Variants in FANCB observed in about 807,000 individuals in gnomAD.
FANCB encodes FA complementation group B.
Under a neutral mutation model 38.9 loss-of-function variants are expected in FANCB, and 5 were observed. That is an observed-to-expected ratio of 0.13 (90% confidence interval 0.07 to 0.27). The LOEUF (loss-of-function observed/expected upper bound fraction) is 0.27. FANCB is among the 10% of genes least tolerant of loss of function. FANCB has a pLI of 1.00. For missense variants in FANCB, 573 were observed against 602.7 expected (o/e 0.95, Z 0.52); for synonymous variants, 236 against 215.4 (o/e 1.10, Z -0.84).
At chrX:14,853,252 C>A in intron 5 of FANCB, 85 bp from the exon 6 acceptor site, 1 of 851,724 alleles carries the variant, frequency 1.2e-6, no homozygotes, top group Non-Finnish European at 1.7e-6. Flanking sequence ...ATACTTTCTC[C>A]AAATGTGCTT....
At chrX:14,728,755 G>A in the FANCB span, among the ~76,000 whole-genome samples, 1 of 112,152 alleles carries the variant, frequency 8.9e-6, no homozygotes, top group Non-Finnish European at 1.9e-5. Context: ...AAGGGAGGTG[G>A]CACCTGGGTA....
At chrX:14,847,437 G>T (rs975232529) in intron 7 of FANCB, among the ~76,000 whole-genome samples, 1 of 111,102 alleles carries the variant, frequency 9.0e-6, no homozygotes, top group East Asian at 2.8e-4. Flanking sequence ...TAGATCAGAA[G>T]AAATTATCCA....
At chrX:14,798,014 G>T in the FANCB span, among the ~76,000 whole-genome samples, 1 of 111,525 alleles carries the variant, frequency 9.0e-6, no homozygotes, top group Non-Finnish European at 1.9e-5. Context: ...TGGGCAATTT[G>T]TCAGCCTTAA....
At chrX:14,828,972 A>C in the FANCB span, among the ~76,000 whole-genome samples, 2 of 111,586 alleles carry the variant, frequency 1.8e-5, no homozygotes, top group Non-Finnish European at 3.8e-5. Context: ...GGCCTCCCAA[A>C]GTGTTGGGAT....
intron 5 of FANCB, among the ~76,000 whole-genome samples, chrX:14,855,060 T>C (rs2092417957): frequency 1.8e-5 from 2 of 111,782 alleles, no homozygotes; most frequent in Admixed American, 1.9e-4. Flanking sequence ...ATCATATGAC[T>C]ACCCACGATT....
the FANCB span, among the ~76,000 whole-genome samples, chrX:14,714,925 C>T: frequency 9.0e-6 from 1 of 111,434 alleles, no homozygotes; most frequent in Non-Finnish European, 1.9e-5. Context: ...GTTCAAATAC[C>T]CTAATGTTAT....
At chrX:14,852,838 T>C in intron 6 of FANCB, among the ~76,000 whole-genome samples, 2 of 112,308 alleles carry the variant, frequency 1.8e-5, no homozygotes, top group Middle Eastern at 4.6e-3. Context: ...GAATTACCTA[T>C]AAATTGATAA....
the FANCB span, among the ~76,000 whole-genome samples, chrX:14,785,678 T>A: frequency 1.8e-5 from 2 of 111,941 alleles, no homozygotes; most frequent in Non-Finnish European, 3.8e-5. Flanking sequence ...GCAGCAACTT[T>A]GGGGTATAGT....
the FANCB span, among the ~76,000 whole-genome samples, chrX:14,781,469 T>A: frequency 1.7e-4 from 19 of 110,875 alleles, no homozygotes; most frequent in Admixed American, 1.2e-3. Context: ...ATATTTCTTT[T>A]AAAAAAAATA....
At chrX:14,844,047 T>C in intron 9 of FANCB, 66 bp from the exon 10 acceptor site, 1 of 870,609 alleles carries the variant, frequency 1.1e-6, no homozygotes, top group Admixed American at 2.5e-5. Flanking sequence ...ATGTACAATA[T>C]ACTGCAGTAA....
the FANCB span, chrX:14,730,264 T>C: frequency 8.4e-7 from 1 of 1,197,363 alleles, no homozygotes; most frequent in Non-Finnish European, 1.1e-6. Context: ...GATGGGTCAC[T>C]GCCTCCAAGT....
chrX:14,773,774 T>C, the FANCB span, among the ~76,000 whole-genome samples: 3 of 112,192 alleles, frequency 2.7e-5, no homozygotes, highest in Non-Finnish European at 5.6e-5. Context: ...GGGCACTCTG[T>C]ATGTGTCCAC....
chrX:14,844,388 T>C (rs755127274), intron 9 of FANCB, 115 bp downstream of exon 9: 28 of 574,630 alleles, frequency 4.9e-5, no homozygotes, highest in Non-Finnish European at 7.7e-5. Context: ...GCCATGGCTC[T>C]GTATTATTGC....
rs770715203 is a variant in FANCB, at chrX:14,856,993, G to A, written c.1197+869C>T. On this transcript the variant is annotated intron_variant, in intron 5 of 9. Transcript: ENST00000650831. The stretch of plus-strand genomic sequence containing the variant: ...TTTGATAATGGTATTATAGTTGCAT[G>A]AGGAGAATATCCTTATTTTTAGGAG... 7.1e-5 allele frequency among the ~76,000 whole-genome samples: 8 copies of A among 112,162 alleles called. No homozygotes were observed. The South Asian group carries it at 2.9e-3, about 41-fold the overall frequency.
chrX:14,712,946 C>T, the FANCB span, among the ~76,000 whole-genome samples: 2 of 112,008 alleles, frequency 1.8e-5, no homozygotes, highest in South Asian at 7.4e-4. Context: ...ACTGAAAAAT[C>T]CTAACCTGCA....
chrX:14,737,018 G>A, the FANCB span, among the ~76,000 whole-genome samples: 12 of 110,128 alleles, frequency 1.1e-4, no homozygotes, highest in African/African-American at 3.0e-4. Flanking sequence ...TTAGCTGGGC[G>A]TGGTGGCACA....
chrX:14,690,217 C>G, the FANCB span, among the ~76,000 whole-genome samples: 1 of 111,524 alleles, frequency 9.0e-6, no homozygotes, highest in Non-Finnish European at 1.9e-5. Context: ...TAGAAGTGAG[C>G]AGTTTGAATA....
intron 5 of FANCB, among the ~76,000 whole-genome samples, chrX:14,855,310 T>G (rs1158042752): frequency 1.8e-5 from 2 of 112,188 alleles, no homozygotes; most frequent in Non-Finnish European, 3.8e-5. Flanking sequence ...TTACGTCATG[T>G]GCAAAATGGT....
the FANCB span, among the ~76,000 whole-genome samples, chrX:14,793,058 C>A: frequency 5.4e-5 from 6 of 111,944 alleles, no homozygotes; most frequent in Admixed American, 1.9e-4. Flanking sequence ...AATTCTTCTT[C>A]CATATTTACC....
Sources: gnomAD v4.1 joint callset for allele counts (sites outside exome capture counted in the v4.1 genomes callset) on GRCh38, gnomAD v4.1.1 for gene constraint, MANE v1.5 for transcripts, NCBI Gene and HGNC (gene_info 2026-07-23, HGNC 2026-07-21) for gene names.